The following PDE4B variants were observed in gnomAD, a reference collection of about 807,000 sequenced individuals.
The protein encoded by PDE4B is phosphodiesterase 4B.
Under a neutral mutation model 82.2 loss-of-function variants are expected in PDE4B, and 20 were observed. The observed-to-expected ratio is 0.24, with a 90% confidence interval of 0.17 to 0.35. The LOEUF is 0.35. Among genes scored for constraint, PDE4B ranks in the 10% least tolerant of loss-of-function variants. The pLI is 1.00. For missense variants in PDE4B, 655 were observed against 907.2 expected (o/e 0.72, Z 3.57); for synonymous variants, 320 against 318.9 (o/e 1.00, Z -0.04).
At chr1:66,128,152 G>A (rs1048162827) in intron 3 of PDE4B, among the ~76,000 whole-genome samples, 4 of 151,978 alleles carry the variant, frequency 2.6e-5, no homozygotes, top group Non-Finnish European at 5.9e-5. Context: ...TTCAAATTCT[G>A]TGCAATCAAG....
At chr1:66,219,623 C>G (rs1345711451) in intron 3 of PDE4B, among the ~76,000 whole-genome samples, 1 of 152,120 alleles carries the variant, frequency 6.6e-6, no homozygotes, top group East Asian at 1.9e-4. Flanking sequence ...TTAATGATGG[C>G]TGGGTTGGGC....
intron 1 of PDE4B, among the ~76,000 whole-genome samples, chr1:65,846,913 A>C (rs1459397779): frequency 6.6e-6 from 1 of 152,224 alleles, no homozygotes; most frequent in Non-Finnish European, 1.5e-5. Flanking sequence ...AGGGAAAAAC[A>C]GTACATTCTT....
rs183773772 is a variant in PDE4B, at chr1:65,999,438, C to T, written c.281+80603C>T. On this transcript the variant is annotated intron_variant, in intron 3 of 16. Transcript: ENST00000341517. ...GCTTTCTGTTGTTCAGCAAACTAAG[C>T]CTGTATTCACTTCTGGCCTTTGCAC... is the stretch of plus-strand genomic sequence containing the variant. 3.3e-5 allele frequency among the ~76,000 whole-genome samples: 5 copies of T among 152,272 alleles called. No homozygotes were observed. In the East Asian group the frequency reaches 9.7e-4, roughly 29 times the overall value.
chr1:66,186,267 G>C lies in PDE4B; in HGVS notation c.282-61193G>C, dbSNP rs535469134. ...ATTGTATAATTTGAAGTCAGGTAGC[G>C]TGATGCCTCCAGCTTTGTTCTTTTG... On this transcript the variant is annotated intron_variant, in intron 3 of 16. Transcript: ENST00000341517. 4.6e-5 allele frequency among the ~76,000 whole-genome samples: 7 copies of C among 152,268 alleles called. No individual in the cohort carries two copies. The South Asian group carries it at 8.3e-4, about 18-fold the overall frequency.
intron 2 of PDE4B, among the ~76,000 whole-genome samples, chr1:65,918,290 A>G (rs1326359569): frequency 1.3e-5 from 2 of 152,250 alleles, no homozygotes; most frequent in Non-Finnish European, 2.9e-5. Flanking sequence ...CATTTTAGCA[A>G]CTTATGAAAA....
intron 1 of PDE4B, among the ~76,000 whole-genome samples, chr1:65,825,131 G>C (rs1645999556): frequency 1.3e-5 from 2 of 152,120 alleles, no homozygotes; most frequent in African/African-American, 4.8e-5. Context: ...ATGTGACCCT[G>C]TTCTGGCCAA....
At chr1:66,237,729 A>G (rs1276988174) in intron 3 of PDE4B, among the ~76,000 whole-genome samples, 1 of 152,256 alleles carries the variant, frequency 6.6e-6, no homozygotes, top group Admixed American at 6.5e-5. Flanking sequence ...TTCTCTGAGT[A>G]AAGAAATACT....
At chr1:65,832,977 A>G (rs1307642194) in intron 1 of PDE4B, among the ~76,000 whole-genome samples, 4 of 152,196 alleles carry the variant, frequency 2.6e-5, no homozygotes, top group African/African-American at 9.6e-5. Flanking sequence ...CCTCTTCTTT[A>G]AAGTTAATGT....
intron 3 of PDE4B, among the ~76,000 whole-genome samples, chr1:65,944,076 G>A (rs1416274419): frequency 1.3e-5 from 2 of 151,944 alleles, no homozygotes; most frequent in East Asian, 1.9e-4. Context: ...ATATCTTAGA[G>A]GGAAAGCTTT....
intron 8 of PDE4B, among the ~76,000 whole-genome samples, chr1:66,337,194 G>A (rs935261357): frequency 7.2e-5 from 11 of 152,136 alleles, no homozygotes; most frequent in East Asian, 1.9e-4. Context: ...CAGCAGTGCC[G>A]CCCTTAGCAT....
At chr1:66,351,328 T>G (rs1168139392) in intron 8 of PDE4B, among the ~76,000 whole-genome samples, 2 of 152,224 alleles carry the variant, frequency 1.3e-5, no homozygotes, top group Non-Finnish European at 2.9e-5. Context: ...AATGTGTTCC[T>G]GTTTGTGGAT....
intron 3 of PDE4B, among the ~76,000 whole-genome samples, chr1:66,181,387 G>A (rs891406850): frequency 6.6e-6 from 1 of 152,022 alleles, no homozygotes; most frequent in Non-Finnish European, 1.5e-5. Flanking sequence ...TCTCTTGTTC[G>A]CTCCTCATTG....
At chr1:66,021,306 T>C (rs1427790282) in intron 3 of PDE4B, among the ~76,000 whole-genome samples, 1 of 152,164 alleles carries the variant, frequency 6.6e-6, no homozygotes, top group Non-Finnish European at 1.5e-5. Flanking sequence ...GCTGTGCAGA[T>C]GCTCTTTAGT....
At chr1:66,032,226 T>G (rs1653816523) in intron 3 of PDE4B, among the ~76,000 whole-genome samples, 2 of 152,258 alleles carry the variant, frequency 1.3e-5, no homozygotes, top group South Asian at 4.1e-4. Flanking sequence ...TTGTTACTTG[T>G]GTCAGTTAAT....
intron 3 of PDE4B, among the ~76,000 whole-genome samples, chr1:66,098,656 G>A (rs1246701140): frequency 6.6e-6 from 1 of 152,068 alleles, no homozygotes; most frequent in Non-Finnish European, 1.5e-5. Flanking sequence ...GTAAAACCCA[G>A]TTAGAAATAT....
intron 8 of PDE4B, among the ~76,000 whole-genome samples, chr1:66,344,112 G>T (rs1274898029): frequency 6.6e-6 from 1 of 152,150 alleles, no homozygotes; most frequent in Admixed American, 6.5e-5. Flanking sequence ...CTGTAGCCTT[G>T]TCTGCTGTTA....
Position 66,130,285 on chromosome 1 carries a change from A to G in PDE4B, c.282-117175A>G, listed in dbSNP as rs983394171. Among the ~76,000 whole-genome samples the G allele has an allele frequency of 3.9e-5, 6 of 152,260 alleles. No individual in the cohort carries two copies. The East Asian group carries it at 1.2e-3, about 29-fold the overall frequency. ...TGACTCATGACAGACAGTAGCGTACAGGAAACAGTAAATACTGACAACAAA... is the reference window on the plus strand; with the variant it reads ...TGACTCATGACAGACAGTAGCGTACGGGAAACAGTAAATACTGACAACAAA... On this transcript the variant is annotated intron_variant, in intron 3 of 16. Transcript: ENST00000341517.
intron 8 of PDE4B, among the ~76,000 whole-genome samples, chr1:66,336,624 G>C (rs141280703): frequency 6.8e-6 from 1 of 147,454 alleles, no homozygotes; most frequent in East Asian, 2.0e-4. Flanking sequence ...ATATTCTGTT[G>C]TTGAAGAGTG....
At chr1:65,806,453 C>A (rs4147194) in intron 1 of PDE4B, among the ~76,000 whole-genome samples, 54,644 of 151,964 alleles carry the variant, frequency 0.36, 10,764 homozygotes, top group East Asian at 0.65. Context: ...TGATATATTT[C>A]TCCCATGAAT....
Sources: allele counts gnomAD v4.1 joint callset (sites outside exome capture counted in the v4.1 genomes callset), GRCh38; gene constraint gnomAD v4.1.1; transcripts MANE v1.5; gene names NCBI Gene and HGNC (gene_info 2026-07-23, HGNC 2026-07-21).